The following AP3S1 variants were observed in gnomAD, a reference collection of about 807,000 sequenced individuals.
The protein encoded by AP3S1 is AP-3 complex subunit sigma-1.
In AP3S1, 12 loss-of-function variants were observed where a neutral mutation model predicts 21.3. That is an observed-to-expected ratio of 0.56 (90% CI 0.36 to 0.91). The LOEUF is 0.91. AP3S1 is among the 40% of genes least tolerant of loss of function. The pLI, the probability that AP3S1 is intolerant of heterozygous loss-of-function variation, is 0.01. For missense variants in AP3S1, 116 were observed against 225.0 expected (o/e 0.52, Z 3.10); for synonymous variants, 48 against 78.4 (o/e 0.61, Z 2.05).
intron 5 of AP3S1, chr5:115,907,149 T>G (rs1313752013): frequency 3.5e-6 from 1 of 288,200 alleles, no homozygotes; most frequent in African/African-American, 2.3e-5. Context: ...AACTGACAAA[T>G]TGCATTTGCA....
intron 5 of AP3S1, chr5:115,906,978 C>T (rs937557528): frequency 7.8e-7 from 1 of 1,275,580 alleles, no homozygotes; most frequent in Non-Finnish European, 9.9e-7. Context: ...CCCATATAGT[C>T]CCTGTAGCCT....
chr5:115,849,976 C>T (rs1289767063), intron 1 of AP3S1, among the ~76,000 whole-genome samples: 1 of 152,136 alleles, frequency 6.6e-6, no homozygotes, highest in East Asian at 1.9e-4. Flanking sequence ...GACCTGTGAT[C>T]AAGCTTTCGT....
chr5:115,874,129 C>G (rs1748505448), intron 3 of AP3S1, among the ~76,000 whole-genome samples: 1 of 152,042 alleles, frequency 6.6e-6, no homozygotes, highest in Admixed American at 6.6e-5. Context: ...ACCAGCTACC[C>G]AAACGAATGA....
At chr5:115,861,238 T>A (rs895285827) in intron 1 of AP3S1, among the ~76,000 whole-genome samples, 1 of 152,108 alleles carries the variant, frequency 6.6e-6, no homozygotes, top group Non-Finnish European at 1.5e-5. Context: ...TGCTAGAGAA[T>A]GGAGTGTGGA....
intron 3 of AP3S1, among the ~76,000 whole-genome samples, chr5:115,892,394 T>C (rs1313484446): frequency 6.6e-6 from 1 of 152,168 alleles, no homozygotes; most frequent in African/African-American, 2.4e-5. Flanking sequence ...TATCCAAGAT[T>C]TGGAAGCAAC....
chr5:115,899,434 T>C (rs142225965), intron 4 of AP3S1, among the ~76,000 whole-genome samples: 2,135 of 152,266 alleles, frequency 0.014, 19 homozygotes, highest in African/African-American at 0.018. Context: ...AGAGTAACAC[T>C]TGAAATTTTA....
chr5:115,911,736 A>G (rs1423362040), intron 5 of AP3S1, among the ~76,000 whole-genome samples: 1 of 151,926 alleles, frequency 6.6e-6, no homozygotes, highest in African/African-American at 2.4e-5. Context: ...CAAATATTAT[A>G]CATGCTGCCT....
rs141548133 is a variant in AP3S1 at position 115,874,443 on chromosome 5, G to T, written c.273+4315G>T. Among the ~76,000 whole-genome samples the T allele has an allele frequency of 5.1e-3, 771 of 152,070 alleles. 2 individuals are homozygous for T. Among genetic ancestry groups the T allele is most frequent in the South Asian group, 7.2e-3 (35 of 4,830 alleles). On this transcript the variant is annotated intron_variant, in intron 3 of 5. Transcript: ENST00000316788. ...TTATTATGCCAAGCTGATAATGGAG[G>T]CATATAAATTCACTGGATAATTCCA... is the stretch of plus-strand genomic sequence containing the variant.
At chr5:115,859,315 T>C (rs183918187) in intron 1 of AP3S1, among the ~76,000 whole-genome samples, 1 of 152,224 alleles carries the variant, frequency 6.6e-6, no homozygotes, top group Non-Finnish European at 1.5e-5. Flanking sequence ...CTAGAACCTT[T>C]CATGTGGGCC....
intron 1 of AP3S1, among the ~76,000 whole-genome samples, chr5:115,865,222 A>G (rs941961286): frequency 6.6e-6 from 1 of 152,064 alleles, no homozygotes; most frequent in African/African-American, 2.4e-5. Flanking sequence ...CTTTTTGATG[A>G]TCTGTTTCCA....
chr5:115,911,034 T>C lies in AP3S1; in HGVS notation c.454-2328T>C, dbSNP rs1752061314. Among the ~76,000 whole-genome samples, 3 of 152,168 alleles carry C rather than the reference T, an allele frequency of 2.0e-5. No homozygotes were observed. In the South Asian group the frequency reaches 6.2e-4, roughly 32 times the overall value. Reference sequence around the variant, plus strand: ...ATTGTAGTTTGTTGTACTTAGAAACTTCTTTTGGTTTTACATATTAAGCAC... The same window carrying C: ...ATTGTAGTTTGTTGTACTTAGAAACCTCTTTTGGTTTTACATATTAAGCAC... On this transcript the variant is annotated intron_variant, in intron 5 of 5. Coordinates refer to ENST00000316788, the MANE Select transcript of AP3S1 (RefSeq NM_001284.4).
chr5:115,892,791 A>G (rs1390850926), intron 3 of AP3S1, among the ~76,000 whole-genome samples: 2 of 152,210 alleles, frequency 1.3e-5, no homozygotes, highest in African/African-American at 4.8e-5. Context: ...TGAATTGCAC[A>G]TTCAAAAATA....
At chr5:115,879,024 T>C (rs2112865578) in intron 3 of AP3S1, among the ~76,000 whole-genome samples, 1 of 152,364 alleles carries the variant, frequency 6.6e-6, no homozygotes, top group South Asian at 2.1e-4. Context: ...ATAGGAATGC[T>C]TGTGACTTTT....
At chr5:115,889,392 A>G (rs1004457799) in intron 3 of AP3S1, among the ~76,000 whole-genome samples, 5 of 152,228 alleles carry the variant, frequency 3.3e-5, no homozygotes, top group Admixed American at 2.0e-4. Flanking sequence ...CACGTCATAC[A>G]CAGAAATCAA....
At chr5:115,905,989 C>A (rs1751617410) in intron 5 of AP3S1, among the ~76,000 whole-genome samples, 1 of 152,110 alleles carries the variant, frequency 6.6e-6, no homozygotes, top group Non-Finnish European at 1.5e-5. Flanking sequence ...AATCCCGTCT[C>A]TACTAAAAAT....
chr5:115,879,130 A>T (rs1347087036), intron 3 of AP3S1, among the ~76,000 whole-genome samples: 1 of 152,220 alleles, frequency 6.6e-6, no homozygotes, highest in Non-Finnish European at 1.5e-5. Context: ...ATATACAATC[A>T]TGTCATCTGC....
rs182788713 is a variant in AP3S1, at chr5:115,899,140, A to T, written c.346-3745A>T. 4.6e-3 allele frequency among the ~76,000 whole-genome samples: 702 copies of T among 152,306 alleles called. 6 individuals carry two copies. The highest frequency in any genetic ancestry group is 0.015 in the African/African-American group (612 of 41,568). ...ATCTGATCGGAGGCCTGTGTCTTTC[A>T]TACCCTTGAGGCTGAGAGAATAAAG... On this transcript the variant is annotated intron_variant, in intron 4 of 5. Coordinates refer to ENST00000316788, the MANE Select transcript of AP3S1 (RefSeq NM_001284.4).
chr5:115,877,239 A>C (rs1378664401), intron 3 of AP3S1, among the ~76,000 whole-genome samples: 2 of 152,078 alleles, frequency 1.3e-5, no homozygotes, highest in East Asian at 3.9e-4. Flanking sequence ...TAGAAGGTGT[A>C]GGTTTGTTAC....
chr5:115,888,587 T>C (rs1749998464), intron 3 of AP3S1, among the ~76,000 whole-genome samples: 1 of 152,164 alleles, frequency 6.6e-6, no homozygotes, highest in Non-Finnish European at 1.5e-5. Context: ...CATGCAGTTA[T>C]AATGACATTT....
Sources: gnomAD v4.1 joint callset for allele counts (sites outside exome capture counted in the v4.1 genomes callset) on GRCh38, gnomAD v4.1.1 for gene constraint, MANE v1.5 for transcripts, NCBI Gene and HGNC (gene_info 2026-07-23, HGNC 2026-07-21) for gene names.